Variants in ZRANB3 observed in about 807,000 individuals in gnomAD.
ZRANB3 encodes DNA annealing helicase and endonuclease ZRANB3.
ZRANB3 carries 125 observed loss-of-function variants against 133.8 expected under a neutral mutation model. That is an observed-to-expected ratio of 0.93 (90% CI 0.81 to 1.08). ZRANB3 has a LOEUF of 1.08. ZRANB3 is among the 50% of genes least tolerant of loss of function. The pLI, the probability that ZRANB3 is intolerant of heterozygous loss-of-function variation, is 0.00. For synonymous variants in ZRANB3, 387 were observed against 432.7 expected, an observed-to-expected ratio of 0.89 and a Z score of 1.31; for missense variants, 1,229 against 1,275.5, an observed-to-expected ratio of 0.96 and a Z score of 0.56.
At position 135,475,277 on chromosome 2, in the gene ZRANB3, A is replaced by T. The variant is rs553133756; in HGVS notation, c.161+29052T>A. 2.0e-5 allele frequency among the ~76,000 whole-genome samples: 3 copies of T among 152,288 alleles called. No homozygotes were observed. The East Asian group carries it at 5.8e-4, about 29-fold the overall frequency. Reference sequence around the variant, plus strand: ...CTTACACATGAAGCATTCACTTAACATTGGGGTCCCATTTATGTCTTCACT... The same window carrying T: ...CTTACACATGAAGCATTCACTTAACTTTGGGGTCCCATTTATGTCTTCACT... On this transcript the variant is annotated intron_variant, in intron 2 of 20. Coordinates refer to ENST00000264159, the MANE Select transcript of ZRANB3 (RefSeq NM_032143.4).
chr2:135,274,227 C>T (rs1680673874), intron 9 of ZRANB3, among the ~76,000 whole-genome samples: 1 of 152,174 alleles, frequency 6.6e-6, no homozygotes, highest in African/African-American at 2.4e-5. Flanking sequence ...AAGATGTTGT[C>T]ACTCACTGGT....
chr2:135,464,992 A>C (rs983662749), intron 2 of ZRANB3, among the ~76,000 whole-genome samples: 3 of 152,204 alleles, frequency 2.0e-5, no homozygotes, highest in African/African-American at 7.2e-5. Flanking sequence ...GCTATCACCA[A>C]GAGAAACTAA....
chr2:135,474,699 A>C (rs78213636), intron 2 of ZRANB3, among the ~76,000 whole-genome samples: 2 of 152,316 alleles, frequency 1.3e-5, no homozygotes, highest in East Asian at 3.9e-4. Context: ...TTTATAAATT[A>C]CCCAGCATCA....
chr2:135,207,314 C>G, intron 19 of ZRANB3, 120 bp downstream of exon 19: 1 of 1,230,020 alleles, frequency 8.1e-7, no homozygotes, highest in Non-Finnish European at 1.1e-6. Flanking sequence ...CATATGGGTC[C>G]ATTATTTTCT....
chr2:135,494,312 AAAAAAAAAAAAG>A (rs1692565290), intron 2 of ZRANB3, among the ~76,000 whole-genome samples: 2 of 151,084 alleles, frequency 1.3e-5, no homozygotes, highest in East Asian at 1.9e-4. Context: ...CGTCTCAAAA[AAAAAAAAAAAAG>A]AAAAGAAAAA....
At chr2:135,313,965 AGC>A (rs1243285276) in intron 7 of ZRANB3, among the ~76,000 whole-genome samples, 1 of 152,212 alleles carries the variant, frequency 6.6e-6, no homozygotes, top group Non-Finnish European at 1.5e-5. Flanking sequence ...CCCGGGTTCA[AGC>A]GATTCGCCTG....
chr2:135,313,440 T>C (rs768450725), intron 8 of ZRANB3, 49 bp downstream of exon 8: 13 of 1,188,906 alleles, frequency 1.1e-5, no homozygotes, highest in South Asian at 4.3e-5. Context: ...GTAAAAGACA[T>C]TGAATAATTT....
chr2:135,267,724 C>T lies in ZRANB3; in HGVS notation c.1386+1238G>A, dbSNP rs191813092. ...TTTATATGCTTTGAAACTTAACCAA[C>T]ATATGATCGGCCATTTTAAATATTT... is the stretch of plus-strand genomic sequence containing the variant. On this transcript the variant is annotated intron_variant, in intron 11 of 20. Coordinates refer to ENST00000264159, the MANE Select transcript of ZRANB3 (RefSeq NM_032143.4). Among the ~76,000 whole-genome samples the T allele has an allele frequency of 5.1e-4, 78 of 152,272 alleles. 1 individual carries two copies. Among genetic ancestry groups the T allele is most frequent in the Admixed American group, 1.6e-3 (24 of 15,304 alleles).
At chr2:135,430,292 G>A (rs763478645) in intron 2 of ZRANB3, among the ~76,000 whole-genome samples, 2 of 152,084 alleles carry the variant, frequency 1.3e-5, no homozygotes, top group Non-Finnish European at 2.9e-5. Flanking sequence ...TTAATGATAT[G>A]ATCGCAGGAA....
In ZRANB3 at chr2:135,456,975, T is replaced by A. The variant is rs1476285555; in HGVS notation, c.161+47354A>T. Reference sequence around the variant, plus strand: ...AAATATAATTCACTTGCCCTGAAATTCACTCTTTTAAAGCATACAATGCAG... The same window carrying A: ...AAATATAATTCACTTGCCCTGAAATACACTCTTTTAAAGCATACAATGCAG... On this transcript the variant is annotated intron_variant, in intron 2 of 20. Transcript: ENST00000264159. Among the ~76,000 whole-genome samples the A allele has an allele frequency of 1.3e-5, 2 of 152,196 alleles. 1 individual carries two copies. Among genetic ancestry groups the A allele is most frequent in the East Asian group, 3.8e-4 (2 of 5,198 alleles).
chr2:135,207,859 A>C, intron 18 of ZRANB3, 23 bp from the exon 19 acceptor site: 1 of 1,572,932 alleles, frequency 6.4e-7, no homozygotes, highest in African/African-American at 1.4e-5. Flanking sequence ...AAAACACTGA[A>C]TAGGTAACTA....
At chr2:135,223,174 C>G (rs1310275313) in intron 15 of ZRANB3, among the ~76,000 whole-genome samples, 1 of 151,482 alleles carries the variant, frequency 6.6e-6, no homozygotes, top group Non-Finnish European at 1.5e-5. Flanking sequence ...TCGTTTGAAC[C>G]CAGGAGGCAG....
At chr2:135,389,330 G>A (rs1687118994) in intron 3 of ZRANB3, among the ~76,000 whole-genome samples, 2 of 152,244 alleles carry the variant, frequency 1.3e-5, no homozygotes, top group South Asian at 2.1e-4. Context: ...CATGAACTAT[G>A]AACCCCTATA....
Position 135,313,526 on chromosome 2 carries a change from A to T in ZRANB3, c.929T>A (p.Leu310Ter). The T allele has an allele frequency of 1.2e-6, 2 of 1,613,378 alleles. No homozygotes were observed. Among genetic ancestry groups the T allele is most frequent in the Non-Finnish European group, 1.7e-6 (2 of 1,179,450 alleles). ...AGTTTGTTTAAACATGCGAGTTATC[A>T]ACCCCATGACTGTCTCCATGGCACC... The part of the protein sequence containing the change: ...NSGAMETVMG[L>*]ITRMFKQTAI... The change falls in exon 8 of 21, where the codon TTG becomes TAG. Residue 310 changes from leucine (L) to a stop codon, truncating the protein, a stop_gained. Transcript: ENST00000264159. LOFTEE classifies it high-confidence loss of function.
chr2:135,350,781 C>T (rs1167984908), intron 4 of ZRANB3, among the ~76,000 whole-genome samples: 1 of 152,164 alleles, frequency 6.6e-6, no homozygotes, highest in Admixed American at 6.5e-5. Context: ...CAACAAAAAG[C>T]TTCCTGGACC....
intron 8 of ZRANB3, among the ~76,000 whole-genome samples, chr2:135,290,478 A>T (rs1253927722): frequency 3.9e-5 from 6 of 152,174 alleles, no homozygotes; most frequent in Non-Finnish European, 8.8e-5. Context: ...CCTTAAGTTT[A>T]TGTGAATCCT....
intron 8 of ZRANB3, among the ~76,000 whole-genome samples, chr2:135,294,962 G>C (rs560387141): frequency 6.4e-4 from 98 of 152,206 alleles, no homozygotes; most frequent in South Asian, 5.8e-3. Context: ...GTCTGAGAGA[G>C]AGTTTGTTAT....
At chr2:135,251,383 G>A (rs1000602137) in intron 12 of ZRANB3, among the ~76,000 whole-genome samples, 2 of 152,120 alleles carry the variant, frequency 1.3e-5, no homozygotes, top group Non-Finnish European at 2.9e-5. Context: ...AGATGTTGGG[G>A]GACTTTTGGG....
chr2:135,324,826 T>C (rs183893291), intron 6 of ZRANB3, among the ~76,000 whole-genome samples: 13 of 152,190 alleles, frequency 8.5e-5, no homozygotes, highest in Non-Finnish European at 1.5e-4. Flanking sequence ...ATTTCTCTGA[T>C]GAGCAGTGAT....
Sources: allele counts gnomAD v4.1 joint callset (sites outside exome capture counted in the v4.1 genomes callset), GRCh38; gene constraint gnomAD v4.1.1; transcripts MANE v1.5; gene names NCBI Gene and HGNC (gene_info 2026-07-23, HGNC 2026-07-21).